Variants in MKI67 observed in about 807,000 individuals in gnomAD.
The protein encoded by MKI67 is marker of proliferation Ki-67, also known as proliferation marker protein Ki-67.
In MKI67, 152 loss-of-function variants were observed where a neutral mutation model predicts 233.5. The observed-to-expected ratio is 0.65, with a 90% CI of 0.57 to 0.74. The LOEUF is 0.74. MKI67 is among the 30% of genes least tolerant of loss of function. The pLI is 0.00. For synonymous variants in MKI67, 1,465 were observed against 1,418.5 expected, an observed-to-expected ratio of 1.03 and a Z score of -0.74; for missense variants, 3,940 against 3,885.2, an observed-to-expected ratio of 1.01 and a Z score of -0.37.
chr10:128,117,330 G>T (rs2136147345), intron 5 of MKI67, among the ~76,000 whole-genome samples: 1 of 152,302 alleles, frequency 6.6e-6, no homozygotes, highest in Middle Eastern at 3.4e-3. Flanking sequence ...GGATACTTAG[G>T]GTGGATCTGA....
Position 128,104,377 on chromosome 10 carries a change from T to A in MKI67, c.7463A>T (p.Lys2488Ile). 3 of 1,614,204 alleles carry A rather than the reference T, an allele frequency of 1.9e-6. No homozygotes were observed. Among genetic ancestry groups the A allele is most frequent in the Non-Finnish European group, 2.5e-6 (3 of 1,180,042 alleles). The change falls in exon 13 of 15, where the codon AAA (lysine) becomes ATA (isoleucine). Residue 2488 changes from lysine to isoleucine, a missense_variant. Lys to Ile is a moderately radical substitution (Grantham distance 102). Transcript: ENST00000368654. ...SKQRLKIPLV[K>I]VDMKEEPLAV... ...TAGGGGCTCTTCTTTCATGTCCACT[T>A]TCACCAGGGGTATCTTGAGCCTTTG...
chr10:128,121,471 A>ATATATATTATTATAT (rs1491446967), intron 4 of MKI67, among the ~76,000 whole-genome samples: 1 of 139,060 alleles, frequency 7.2e-6, no homozygotes, highest in Non-Finnish European at 1.5e-5. Flanking sequence ...GGTATATATA[A>ATATATATTATTATAT]TATATATTAT....
At chr10:128,113,780 T>C (rs184593824) in intron 7 of MKI67, among the ~76,000 whole-genome samples, 178 bp from the exon 8 acceptor site, 1 of 152,188 alleles carries the variant, frequency 6.6e-6, no homozygotes, top group African/African-American at 2.4e-5. Context: ...TCCTAAAGGA[T>C]TGCGGGAGTG....
chr10:128,103,927 C>T lies in MKI67; in HGVS notation c.7913G>A (p.Ser2638Asn). 1 of 1,614,006 alleles carries T rather than the reference C, an allele frequency of 6.2e-7. No homozygotes were observed. Residue 2638 changes from serine to asparagine, a missense_variant, in exon 13 of 15, where the codon AGC becomes AAC. Physicochemically the swap from Ser to Asn is conservative, Grantham distance 46 (BLOSUM62 1). Transcript: ENST00000368654. The stretch of plus-strand genomic sequence containing the variant: ...CAATACTTTGATGCCCTCATCACCG[C>T]TTGCTGGTTCTTTGTGTGTGTGTGT... ...QSTHTHKEPA[S>N]GDEGIKVLKQ...
chr10:128,122,445 A>C (rs10741146), intron 4 of MKI67, among the ~76,000 whole-genome samples: 33,572 of 152,146 alleles, frequency 0.22, 4,110 homozygotes, highest in Admixed American at 0.29. Context: ...TTAGGAATTC[A>C]AAATATGAAT....
chr10:128,118,351 G>A (rs541643971), intron 5 of MKI67, among the ~76,000 whole-genome samples: 13 of 146,084 alleles, frequency 8.9e-5, no homozygotes, highest in South Asian at 6.5e-4. Context: ...AGCCAAGATC[G>A]CACCACTGCA....
rs762984327 is a variant in MKI67 at position 128,111,884 on chromosome 10, T to C, written c.2088+43A>G. On this transcript the variant is annotated intron_variant, in intron 10 of 14. Transcript: ENST00000368654. ...AATCCACACTGAATGCAAGCTTCGA[T>C]GACACCGGTATGTGTAAAGCAGCCA... 4.4e-6 allele frequency: 7 copies of C among 1,605,304 alleles called. No homozygotes were observed. The Admixed American group carries it at 1.0e-4, about 23-fold the overall frequency.
At position 128,107,165 on chromosome 10, in the gene MKI67, C is replaced by T. The variant is rs7918199; in HGVS notation, c.4675G>A (p.Val1559Met). ...TTCTCTGTCAGGTCCAGTTTCTGCA[C>T]TGGAGTTCCCATAAATGCGTAGATG... ...KNIYAFMGTP[V>M]QKLDLTENLT... Residue 1559 changes from valine to methionine, a missense_variant, in exon 13 of 15, where the codon GTG becomes ATG. Transcript: ENST00000368654. The T allele has an allele frequency of 0.094, 151,058 of 1,613,940 alleles. 7,605 individuals carry two copies. The highest frequency in any genetic ancestry group is 0.15 in the Admixed American group (9,290 of 59,970).
In MKI67 at chr10:128,107,347, G is replaced by A. The variant is rs766648679; in HGVS notation, c.4493C>T (p.Pro1498Leu). The A allele has an allele frequency of 1.2e-6, 2 of 1,613,686 alleles. No homozygotes were observed. Among genetic ancestry groups the A allele is most frequent in the South Asian group, 1.1e-5 (1 of 91,062 alleles). Residue 1498 changes from proline (P) to leucine (L), a missense_variant, in exon 13 of 15, where the codon CCA becomes CTA. Physicochemically the swap from Pro to Leu is moderately conservative, Grantham distance 98. Coordinates refer to ENST00000368654, the MANE Select transcript of MKI67 (RefSeq NM_002417.5). Reference protein sequence around the residue: ...KTTKIACRSQPDPVDTPTSSK... With the variant: ...KTTKIACRSQLDPVDTPTSSK... The stretch of plus-strand genomic sequence containing the variant: ...GCTTGTTGGTGTGTCCACTGGGTCT[G>A]GTTGTGATCTGCAGGCTATTTTGGT...
chr10:128,122,210 G>A (rs1477954111), intron 4 of MKI67, among the ~76,000 whole-genome samples: 2 of 152,132 alleles, frequency 1.3e-5, no homozygotes, highest in Non-Finnish European at 2.9e-5. Context: ...CCAAGAGCAA[G>A]GTGTCAGCTG....
Position 128,106,509 on chromosome 10 carries a change from T to A in MKI67, c.5331A>T (p.Ser1777=), listed in dbSNP as rs770855028. ...TGGGTGTGTGCATGGCTTTGCCTGC[T>A]GATGGCGTTTGTTTCCTAAATGCTA... The part of the protein sequence containing the change: ...EFLAFRKQTP[S]AGKAMHTPKP... The change falls in exon 13 of 15, where the codon TCA becomes TCT. Residue 1777 remains serine (S), a synonymous_variant. Transcript: ENST00000368654. 3 of 1,614,210 alleles carry A rather than the reference T, an allele frequency of 1.9e-6. No individual in the cohort carries two copies. The highest frequency in any genetic ancestry group is 2.5e-6 in the Non-Finnish European group (3 of 1,180,036).
chr10:128,113,273 C>G (rs1231070058), intron 8 of MKI67, among the ~76,000 whole-genome samples, 154 bp downstream of exon 8: 1 of 152,228 alleles, frequency 6.6e-6, no homozygotes, highest in Non-Finnish European at 1.5e-5. Context: ...GTGCCCACAT[C>G]AATGAGCTTT....
At chr10:128,122,421 T>C (rs1009826426) in intron 4 of MKI67, among the ~76,000 whole-genome samples, 1 of 152,122 alleles carries the variant, frequency 6.6e-6, no homozygotes, top group African/African-American at 2.4e-5. Flanking sequence ...AGTTACATCC[T>C]AAGGTACGAG....
At position 128,108,163 on chromosome 10, in the gene MKI67, C is replaced by G. The variant is rs41306015; in HGVS notation, c.3677G>C (p.Gly1226Ala). 6.2e-7 allele frequency: 1 copy of G among 1,613,716 alleles called. No homozygotes were observed. The highest frequency in any genetic ancestry group is 8.5e-7 in the Non-Finnish European group (1 of 1,179,968). The change falls in exon 13 of 15, where the codon GGC becomes GCC. Residue 1226 changes from glycine (G) to alanine (A), a missense_variant. Gly to Ala is a moderately conservative substitution (Grantham distance 60, BLOSUM62 0). Coordinates refer to ENST00000368654, the MANE Select transcript of MKI67 (RefSeq NM_002417.5). ...EKAQALEDLA[G>A]FKELFQTPGH... The stretch of plus-strand genomic sequence containing the variant: ...AGGAGTCTGGAAGAGCTCTTTAAAG[C>G]CAGCCAGGTCTTCTAGAGCCTGGGC...
At chr10:128,117,271 C>T (rs994472139) in intron 5 of MKI67, among the ~76,000 whole-genome samples, 3 of 152,238 alleles carry the variant, frequency 2.0e-5, no homozygotes, top group African/African-American at 7.2e-5. Flanking sequence ...GCCATAGGAC[C>T]TGTCGATGAA....
In MKI67 at chr10:128,105,691, A is replaced by G; in HGVS notation, c.6149T>C (p.Leu2050Pro). The change falls in exon 13 of 15, where the codon CTG becomes CCG. Residue 2050 changes from leucine to proline, a missense_variant. Coordinates refer to ENST00000368654, the MANE Select transcript of MKI67 (RefSeq NM_002417.5). The part of the protein sequence containing the change: ...KAFKESAKQM[L>P]DPANYGTGME... ...CCCAGTTCCATAGTTTGCTGGGTCC[A>G]GCATCTGCTTTGCAGATTCCTTAAA... 6.2e-7 allele frequency: 1 copy of G among 1,613,898 alleles called. No homozygotes were observed. Among genetic ancestry groups the G allele is most frequent in the Non-Finnish European group, 8.5e-7 (1 of 1,179,992 alleles).
Position 128,103,334 on chromosome 10 carries a change from T to C in MKI67, c.8506A>G (p.Thr2836Ala). Reference protein sequence around the residue: ...KSSPELEDTATSSKRRPRTRA... With the variant: ...KSSPELEDTAASSKRRPRTRA... ...GTCCTGGGCCGTCTCTTTGAGCTTG[T>C]TGCGGTGTCTTCTAGTTCTGGTGAT... is the stretch of plus-strand genomic sequence containing the variant. Residue 2836 changes from threonine (T) to alanine (A), a missense_variant, in exon 13 of 15, where the codon ACA (threonine) becomes GCA (alanine). By Grantham distance (58) the Thr-to-Ala change is moderately conservative. Coordinates refer to ENST00000368654, the MANE Select transcript of MKI67 (RefSeq NM_002417.5). 1 of 1,614,136 alleles carries C rather than the reference T, an allele frequency of 6.2e-7. No homozygotes were observed. Among genetic ancestry groups the C allele is most frequent in the African/African-American group, 1.3e-5 (1 of 75,042 alleles).
intron 12 of MKI67, among the ~76,000 whole-genome samples, chr10:128,110,091 A>G (rs1565008647): frequency 6.6e-6 from 1 of 152,178 alleles, no homozygotes; most frequent in Non-Finnish European, 1.5e-5. Context: ...ACACCATTGT[A>G]TTTTTTTGCT....
rs759627602 is a variant in MKI67, at chr10:128,112,174, C to T, written c.1928G>A (p.Cys643Tyr). Reference sequence around the variant, plus strand: ...CGAAGCACCACTTCTTCTTTTGGAACATATCATCTGTAAAATATCATGTTG... The same window carrying T: ...CGAAGCACCACTTCTTCTTTTGGAATATATCATCTGTAAAATATCATGTTG... ...RSQHDILQMI[C>Y]SKRRSGASEA... Residue 643 changes from cysteine to tyrosine, a missense_variant, in exon 9 of 15, where the codon TGT (cysteine) becomes TAT (tyrosine). By Grantham distance (194) the Cys-to-Tyr change is radical. Transcript: ENST00000368654. 3.1e-6 allele frequency: 5 copies of T among 1,614,238 alleles called. No individual in the cohort carries two copies. The Admixed American group carries it at 5.0e-5, about 16-fold the overall frequency.
Sources: allele counts gnomAD v4.1 joint callset (sites outside exome capture counted in the v4.1 genomes callset), GRCh38; gene constraint gnomAD v4.1.1; transcripts MANE v1.5; gene names NCBI Gene and HGNC (gene_info 2026-07-23, HGNC 2026-07-21).